The following WDR49 variants were observed in gnomAD, a reference collection of about 807,000 sequenced individuals.
WDR49 encodes cilia- and flagella-associated protein 337.
In WDR49, 107 loss-of-function variants were observed where a neutral mutation model predicts 119.5. That is an observed-to-expected ratio of 0.90 (90% CI 0.77 to 1.05). The LOEUF (loss-of-function observed/expected upper bound fraction) is 1.05, where lower values mean the gene tolerates loss of function less well. Ranked by LOEUF, WDR49 falls within the 50% of genes least tolerant of loss-of-function variation. WDR49 has a pLI of 0.00. For missense variants in WDR49, 1,240 were observed against 1,220.5 expected, an observed-to-expected ratio of 1.02 and a Z score of -0.24; for synonymous variants, 425 against 418.8, an observed-to-expected ratio of 1.01 and a Z score of -0.18.
chr3:167,481,334 A>G (rs1375259421), intron 18 of WDR49, among the ~76,000 whole-genome samples: 4 of 152,156 alleles, frequency 2.6e-5, no homozygotes, highest in Admixed American at 1.3e-4. Flanking sequence ...CAGAAGTGAA[A>G]AAACTAAGGG....
At chr3:167,645,620 T>C (rs1577299054) in intron 2 of WDR49, among the ~76,000 whole-genome samples, 1 of 152,182 alleles carries the variant, frequency 6.6e-6, no homozygotes, top group Non-Finnish European at 1.5e-5. Context: ...CTTCTCCTTC[T>C]ACTTCTGGAA....
chr3:167,514,494 C>CA (rs1752115480), intron 16 of WDR49, among the ~76,000 whole-genome samples: 2 of 152,004 alleles, frequency 1.3e-5, no homozygotes, highest in African/African-American at 2.4e-5. Flanking sequence ...ATGCCCACAT[C>CA]AAAAAGCTAG....
chr3:167,550,006 A>G (rs1011815418), intron 10 of WDR49, among the ~76,000 whole-genome samples: 5 of 151,992 alleles, frequency 3.3e-5, no homozygotes, highest in African/African-American at 1.2e-4. Flanking sequence ...ATGGTTGTAG[A>G]TGTGTGGTAT....
At chr3:167,624,597 C>T (rs962321963) in intron 3 of WDR49, among the ~76,000 whole-genome samples, 2 of 151,926 alleles carry the variant, frequency 1.3e-5, no homozygotes, top group African/African-American at 2.4e-5. Context: ...GGGACACTTT[C>T]ATATGTGCAG....
chr3:167,487,716 G>A (rs1750978841), intron 18 of WDR49, among the ~76,000 whole-genome samples: 1 of 151,944 alleles, frequency 6.6e-6, no homozygotes, highest in Admixed American at 6.6e-5. Context: ...AATGGGCAAA[G>A]AACATGAATG....
chr3:167,496,026 C>A (rs1324567346), intron 18 of WDR49, among the ~76,000 whole-genome samples: 2 of 151,816 alleles, frequency 1.3e-5, no homozygotes, highest in African/African-American at 4.8e-5. Flanking sequence ...CACAAGCAGG[C>A]CCATATTTTA....
At chr3:167,536,730 TATACAC>T in intron 11 of WDR49, 134 bp downstream of exon 11, 1 of 210,906 alleles carries the variant, frequency 4.7e-6, no homozygotes, top group Non-Finnish European at 8.3e-6. Flanking sequence ...TATATATATA[TATACAC>T]ACACACACAC....
chr3:167,509,396 T>C lies in WDR49; in HGVS notation c.2775-3980A>G, dbSNP rs189690007. On this transcript the variant is annotated intron_variant, in intron 16 of 18. Transcript: ENST00000682715. ...GGATGTGTTTCTCTTAAAGATGCCA[T>C]AGGAGTTAGTCTAGTAGACTTTGAA... Among the ~76,000 whole-genome samples the C allele has an allele frequency of 2.0e-3, 303 of 152,336 alleles. 1 individual carries two copies. The highest frequency in any genetic ancestry group is 3.5e-3 in the South Asian group (17 of 4,824).
At chr3:167,570,761 G>C (rs1223220044) in intron 8 of WDR49, among the ~76,000 whole-genome samples, 1 of 152,210 alleles carries the variant, frequency 6.6e-6, no homozygotes, top group Non-Finnish European at 1.5e-5. Context: ...GATAAGGCCG[G>C]ATGCAGTGGC....
intron 18 of WDR49, among the ~76,000 whole-genome samples, chr3:167,487,629 A>G (rs1204638960): frequency 6.6e-6 from 1 of 152,160 alleles, no homozygotes; most frequent in African/African-American, 2.4e-5. Context: ...CAAACTATTC[A>G]TCTGACAAAG....
chr3:167,535,229 A>G (rs529065130), intron 11 of WDR49, among the ~76,000 whole-genome samples: 20 of 152,282 alleles, frequency 1.3e-4, no homozygotes, highest in Non-Finnish European at 2.5e-4. Context: ...AGAAATAAGG[A>G]TAAAGAAGAG....
chr3:167,582,812 A>G lies in WDR49; in HGVS notation c.1276-6661T>C, dbSNP rs59618418. Among the ~76,000 whole-genome samples the G allele has an allele frequency of 6.9e-3, 1,050 of 152,134 alleles. 57 individuals are homozygous for G. The East Asian group carries it at 0.14, about 20-fold the overall frequency. On this transcript the variant is annotated intron_variant, in intron 7 of 18. Transcript: ENST00000682715. ...AACTACAAAAAAGTAGTTGGACATT[A>G]TAGTGCAGGCCTGTAATTCCAGCTA...
chr3:167,573,122 G>T lies in WDR49; in HGVS notation c.1509+2796C>A, dbSNP rs139363263. ...GGACTTTAAAGACCCTTACAGGGCT[G>T]GCAGCATGGGAGACAAGAGGACACT... is the stretch of plus-strand genomic sequence containing the variant. On this transcript the variant is annotated intron_variant, in intron 8 of 18. Transcript: ENST00000682715. 7.6e-4 allele frequency among the ~76,000 whole-genome samples: 115 copies of T among 152,288 alleles called. 1 individual carries two copies. Among genetic ancestry groups the T allele is most frequent in the African/African-American group, 2.7e-3 (113 of 41,564 alleles).
intron 18 of WDR49, among the ~76,000 whole-genome samples, chr3:167,490,768 T>C (rs1751104155): frequency 6.6e-6 from 1 of 152,128 alleles, no homozygotes; most frequent in African/African-American, 2.4e-5. Context: ...TTTGCCCCTC[T>C]TTTCAATTGC....
chr3:167,517,950 C>G (rs1176660637), intron 16 of WDR49, among the ~76,000 whole-genome samples: 16 of 150,204 alleles, frequency 1.1e-4, no homozygotes, highest in Non-Finnish European at 2.1e-4. Flanking sequence ...TGTTCTCATT[C>G]TTCAATTCCC....
chr3:167,593,800 G>A (rs1715261626), intron 7 of WDR49, among the ~76,000 whole-genome samples: 1 of 152,110 alleles, frequency 6.6e-6, no homozygotes, highest in Non-Finnish European at 1.5e-5. Context: ...TAATCCCCAT[G>A]TGCTGAGGGA....
chr3:167,488,183 CA>C (rs1750997903), intron 18 of WDR49, among the ~76,000 whole-genome samples: 6 of 148,696 alleles, frequency 4.0e-5, no homozygotes, highest in Admixed American at 1.3e-4. Context: ...CACACACACA[CA>C]CACACACACC....
In WDR49 at chr3:167,527,987, T is replaced by C; in HGVS notation, c.2437A>G (p.Ile813Val). Residue 813 changes from isoleucine (I) to valine (V), a missense_variant, in exon 15 of 19, where the codon ATC becomes GTC. By Grantham distance (29) the Ile-to-Val change is conservative. Transcript: ENST00000682715. ...EYCLNSSKNK[I>V]TKAPTLIRSF... ...CTTATCAGAGTTGGGGCCTTGGTGA[T>C]TTTGTTCTTACTGGAGTTAAGACAG... 1 of 1,613,068 alleles carries C rather than the reference T, an allele frequency of 6.2e-7. No individual in the cohort carries two copies. The highest frequency in any genetic ancestry group is 8.5e-7 in the Non-Finnish European group (1 of 1,179,478).
chr3:167,555,045 G>C (rs895355531), intron 9 of WDR49, among the ~76,000 whole-genome samples: 6 of 152,106 alleles, frequency 3.9e-5, no homozygotes, highest in Non-Finnish European at 5.9e-5. Flanking sequence ...GTATGCTAAT[G>C]ACATGACTCC....
Sources: allele counts gnomAD v4.1 joint callset (sites outside exome capture counted in the v4.1 genomes callset), GRCh38; gene constraint gnomAD v4.1.1; transcripts MANE v1.5; gene names NCBI Gene and HGNC (gene_info 2026-07-23, HGNC 2026-07-21).